Variants in PHACTR1 observed in about 807,000 individuals in gnomAD.
PHACTR1 encodes phosphatase and actin regulator 1.
Under a neutral mutation model 69.2 loss-of-function variants are expected in PHACTR1, and 16 were observed. The observed-to-expected ratio is 0.23, with a 90% CI of 0.16 to 0.35. The LOEUF is 0.35. Among genes scored for constraint, PHACTR1 ranks in the 10% least tolerant of loss-of-function variants. The probability of loss-of-function intolerance (pLI) is 1.00; values close to 1 mark genes in which losing one functional copy is unlikely to be tolerated. For synonymous variants in PHACTR1, 312 were observed against 284.5 expected (o/e 1.10, Z -0.97); for missense variants, 510 against 734.7 (o/e 0.69, Z 3.54).
intron 4 of PHACTR1, among the ~76,000 whole-genome samples, chr6:12,777,237 A>AT (rs1361393266): frequency 4.2e-5 from 5 of 119,770 alleles, no homozygotes; most frequent in African/African-American, 1.5e-4. Flanking sequence ...ATATATATAT[A>AT]TATATTTTTT....
intron 8 of PHACTR1, among the ~76,000 whole-genome samples, chr6:13,209,451 G>A (rs542543988): frequency 6.6e-6 from 1 of 152,320 alleles, no homozygotes; most frequent in Non-Finnish European, 1.5e-5. Flanking sequence ...AAAGTTCCTT[G>A]GACCGACCCC....
intron 4 of PHACTR1, among the ~76,000 whole-genome samples, chr6:12,995,527 A>C (rs2127613777): frequency 1.3e-5 from 2 of 152,152 alleles, no homozygotes; most frequent in East Asian, 3.9e-4. Context: ...AAAGCTAACA[A>C]CATTATTAAA....
chr6:13,028,528 CT>C (rs1488343557), intron 4 of PHACTR1, among the ~76,000 whole-genome samples: 2 of 152,202 alleles, frequency 1.3e-5, no homozygotes, highest in Non-Finnish European at 2.9e-5. Flanking sequence ...AGGGTTGATG[CT>C]TCTGGAGACC....
intron 5 of PHACTR1, among the ~76,000 whole-genome samples, chr6:13,057,397 A>G (rs979509355): frequency 4.6e-5 from 7 of 152,212 alleles, no homozygotes; most frequent in Non-Finnish European, 8.8e-5. Flanking sequence ...CCACCATTTT[A>G]AAAAGAAAGA....
chr6:13,280,646 G>A (rs767627326), intron 12 of PHACTR1: 6 of 295,094 alleles, frequency 2.0e-5, no homozygotes, highest in Admixed American at 4.9e-5. Flanking sequence ...AGTAACTGAG[G>A]CTGATAGCAA....
At chr6:12,926,632 T>G (rs761222868) in intron 4 of PHACTR1, among the ~76,000 whole-genome samples, 1 of 152,246 alleles carries the variant, frequency 6.6e-6, no homozygotes, top group Non-Finnish European at 1.5e-5. Context: ...CATCAAGTCC[T>G]GAAGATTCCG....
chr6:13,182,770 G>A, intron 7 of PHACTR1, 84 bp downstream of exon 7: 2 of 1,380,642 alleles, frequency 1.4e-6, no homozygotes, highest in South Asian at 3.3e-5. Flanking sequence ...GCTGGACTTG[G>A]AATTCTATTT....
chr6:13,101,245 G>A (rs1815106407), intron 5 of PHACTR1, among the ~76,000 whole-genome samples: 1 of 152,240 alleles, frequency 6.6e-6, no homozygotes, highest in Admixed American at 6.5e-5. Flanking sequence ...AAGGGCAAGA[G>A]CAAGAGAGAG....
chr6:12,910,678 C>T (rs974056222), intron 4 of PHACTR1, among the ~76,000 whole-genome samples: 5 of 152,142 alleles, frequency 3.3e-5, no homozygotes, highest in East Asian at 1.9e-4. Flanking sequence ...CAGTAATAGC[C>T]GCCGTCTACT....
At chr6:13,243,024 C>A (rs982983077) in intron 10 of PHACTR1, among the ~76,000 whole-genome samples, 11 of 152,252 alleles carry the variant, frequency 7.2e-5, no homozygotes, top group African/African-American at 2.6e-4. Flanking sequence ...ATGAAGAAGG[C>A]GCAGATCTCT....
chr6:12,856,782 C>T (rs892758875), intron 4 of PHACTR1, among the ~76,000 whole-genome samples: 2 of 152,178 alleles, frequency 1.3e-5, no homozygotes, highest in Non-Finnish European at 2.9e-5. Context: ...GTGATATGCC[C>T]TTGGCCAGTC....
chr6:13,229,171 A>G (rs955539923), intron 9 of PHACTR1, among the ~76,000 whole-genome samples: 9 of 152,226 alleles, frequency 5.9e-5, no homozygotes, highest in Non-Finnish European at 1.3e-4. Flanking sequence ...TCTCAACCTC[A>G]GCACTCCCGG....
chr6:12,717,036 A>G (rs1761459826), intron 1 of PHACTR1, 140 bp downstream of exon 1: 1 of 152,194 alleles, frequency 6.6e-6, no homozygotes, highest in Admixed American at 6.6e-5. Context: ...AATCTGGGAA[A>G]TTTCAGACAG....
chr6:13,212,393 T>G (rs1766985785), intron 8 of PHACTR1, among the ~76,000 whole-genome samples: 1 of 152,192 alleles, frequency 6.6e-6, no homozygotes, highest in Non-Finnish European at 1.5e-5. Context: ...AAGAAAAATC[T>G]ACTTACTCTT....
In PHACTR1 at chr6:12,885,747, C is replaced by G. The variant is rs114463011; in HGVS notation, c.250+135957C>G. On this transcript the variant is annotated intron_variant, in intron 4 of 14. Transcript: ENST00000332995. ...TCAAGGGGGCAGTTCTCATCTGATG[C>G]TAGCGATGGCAGGCACACGGAATAA... is the stretch of plus-strand genomic sequence containing the variant. 5.5e-3 allele frequency among the ~76,000 whole-genome samples: 837 copies of G among 152,314 alleles called. 7 individuals carry two copies. The highest frequency in any genetic ancestry group is 0.019 in the African/African-American group (805 of 41,558).
chr6:13,283,091 C>A lies in PHACTR1; in HGVS notation c.1510-331C>A, dbSNP rs576167847. Among the ~76,000 whole-genome samples, 1 of 151,926 alleles carries A rather than the reference C, an allele frequency of 6.6e-6. No individual in the cohort carries two copies. Among genetic ancestry groups the A allele is most frequent in the African/African-American group, 2.4e-5 (1 of 41,360 alleles). ...ATTGTTGAAGCTGGTGATAATACAC[C>A]AAATTCATTACATTAGTCTCCTTCC... On this transcript the variant is annotated intron_variant, in intron 12 of 14. Transcript: ENST00000332995. The surrounding 1 kb of genome is among the most constrained non-coding windows in gnomAD (Gnocchi z 4.7).
chr6:12,724,916 T>G (rs1445621469), intron 3 of PHACTR1, among the ~76,000 whole-genome samples: 2 of 152,212 alleles, frequency 1.3e-5, no homozygotes, highest in East Asian at 3.8e-4. Flanking sequence ...TAGGCAATCC[T>G]AGTGACTCCT....
intron 8 of PHACTR1, among the ~76,000 whole-genome samples, chr6:13,216,376 T>C (rs1182364588): frequency 6.6e-6 from 1 of 152,232 alleles, no homozygotes; most frequent in Non-Finnish European, 1.5e-5. Context: ...CTTATGTCTG[T>C]AATGTTTCAC....
At chr6:13,058,423 G>T (rs1807125164) in intron 5 of PHACTR1, among the ~76,000 whole-genome samples, 1 of 152,108 alleles carries the variant, frequency 6.6e-6, no homozygotes, top group Non-Finnish European at 1.5e-5. Flanking sequence ...GGTCTTGGTT[G>T]TTGGTGGGGA....
Sources: gnomAD v4.1 joint callset for allele counts (sites outside exome capture counted in the v4.1 genomes callset) on GRCh38, gnomAD v4.1.1 for gene constraint, Gnocchi (gnomAD v3.1) non-coding constraint, MANE v1.5 for transcripts, NCBI Gene and HGNC (gene_info 2026-07-23, HGNC 2026-07-21) for gene names.